The following COL9A3 variants were observed in gnomAD, a reference collection of about 807,000 sequenced individuals.
COL9A3 encodes the protein collagen alpha-3(IX) chain.
A neutral mutation model predicts 110.2 loss-of-function variants in COL9A3; 82 were observed. The ratio of observed to expected loss-of-function variants is 0.74; its 90% CI spans 0.62 to 0.89. The LOEUF is 0.89. COL9A3 is among the 40% of genes least tolerant of loss of function. The pLI is 0.00. For missense variants in COL9A3, 1,066 were observed against 981.3 expected (o/e 1.09, Z -1.15); for synonymous variants, 494 against 403.8 (o/e 1.22, Z -2.68).
chr20:62,819,142 A>T, intron 3 of COL9A3, 80 bp from the exon 4 acceptor site: 1 of 1,386,144 alleles, frequency 7.2e-7, no homozygotes, highest in Non-Finnish European at 1.0e-6. Flanking sequence ...GGGAAGTGGA[A>T]AGCATTTTGC....
intron 26 of COL9A3, among the ~76,000 whole-genome samples, chr20:62,834,364 T>C (rs2063619243): frequency 6.6e-6 from 1 of 152,228 alleles, no homozygotes; most frequent in African/African-American, 2.4e-5. Context: ...AAAACTCAGG[T>C]GAAGCATAAA....
At chr20:62,818,398 T>C in intron 2 of COL9A3, 120 bp from the exon 3 acceptor site, 4 of 984,364 alleles carry the variant, frequency 4.1e-6, no homozygotes, top group Non-Finnish European at 6.5e-6. Flanking sequence ...GGGCCCCTTT[T>C]GTCTGCTGGG....
intron 31 of COL9A3, among the ~76,000 whole-genome samples, chr20:62,839,966 C>T (rs2063662902): frequency 6.6e-6 from 1 of 152,306 alleles, no homozygotes. Context: ...GGGTCCCAGG[C>T]CCCAGCCACG....
In COL9A3 at chr20:62,817,626, C is replaced by T; in HGVS notation, c.138C>T (p.Asp46=). Residue 46 remains aspartate (D), a synonymous_variant, in exon 2 of 32, where the codon GAC becomes GAT. Coordinates refer to ENST00000649368, the MANE Select transcript of COL9A3 (RefSeq NM_001853.4). ...PPGPPGKPGQ[D]GIDGEAGPPG... ...GGCCGCCCGGGAAGCCCGGCCAGGACGGCATTGACGTGAGTTTGGGGGTGG... is the reference window on the plus strand; with the variant it reads ...GGCCGCCCGGGAAGCCCGGCCAGGATGGCATTGACGTGAGTTTGGGGGTGG... The T allele has an allele frequency of 6.5e-7, 1 of 1,540,608 alleles. No individual in the cohort carries two copies. Among genetic ancestry groups the T allele is most frequent in the East Asian group, 2.5e-5 (1 of 40,652 alleles).
chr20:62,822,402 C>G (rs2063519387), intron 9 of COL9A3, among the ~76,000 whole-genome samples, 189 bp from the exon 10 acceptor site: 1 of 152,102 alleles, frequency 6.6e-6, no homozygotes, highest in African/African-American at 2.4e-5. Flanking sequence ...TGGATTCTGT[C>G]GTTGTCACAT....
At chr20:62,820,560 C>T (rs1991086528) in intron 5 of COL9A3, among the ~76,000 whole-genome samples, 1 of 152,080 alleles carries the variant, frequency 6.6e-6, no homozygotes, top group African/African-American at 2.4e-5. Context: ...AGGACACAGC[C>T]CTGCCCTTGG....
At chr20:62,820,024 G>A (rs767884869) in intron 5 of COL9A3, 42 bp downstream of exon 5, 1 of 1,606,952 alleles carries the variant, frequency 6.2e-7, no homozygotes, top group Non-Finnish European at 8.5e-7. Flanking sequence ...GTTCAGAGGT[G>A]AGGTCCCCTG....
chr20:62,817,915 G>C, intron 2 of COL9A3: 1 of 558,088 alleles, frequency 1.8e-6, no homozygotes, highest in South Asian at 1.7e-5. Context: ...CCTGTGTTCG[G>C]GGTTCTGGCC....
intron 5 of COL9A3, among the ~76,000 whole-genome samples, chr20:62,820,921 C>T (rs2063507816): frequency 6.6e-6 from 1 of 152,288 alleles, no homozygotes; most frequent in African/African-American, 2.4e-5. Flanking sequence ...CGGGTCACTT[C>T]GGTGCCTCTC....
intron 24 of COL9A3, 89 bp from the exon 25 acceptor site, chr20:62,832,065 G>A: frequency 1.6e-6 from 2 of 1,229,328 alleles, no homozygotes; most frequent in Non-Finnish European, 2.4e-6. Flanking sequence ...GGAGATGTGG[G>A]GAGGTGTTTA....
upstream of COL9A3, among the ~76,000 whole-genome samples, chr20:62,816,778 TTCTC>T (rs1236905241): frequency 6.6e-6 from 1 of 152,130 alleles, no homozygotes; most frequent in African/African-American, 2.4e-5. Context: ...AAGAGCGTCT[TTCTC>T]TCTTGCTCAA....
chr20:62,822,651 T>C lies in COL9A3; in HGVS notation c.519+19T>C. On this transcript the variant is annotated intron_variant, in intron 10 of 31. Coordinates refer to ENST00000649368, the MANE Select transcript of COL9A3 (RefSeq NM_001853.4). Reference sequence around the variant, plus strand: ...CCTTCAGGTAGGCACTTGAAGCCATTTGTTAAGGGTGCTGGGGGGTGCCTA... The same window carrying C: ...CCTTCAGGTAGGCACTTGAAGCCATCTGTTAAGGGTGCTGGGGGGTGCCTA... 1.9e-6 allele frequency: 3 copies of C among 1,610,376 alleles called. No individual in the cohort carries two copies. Among genetic ancestry groups the C allele is most frequent in the Non-Finnish European group, 1.7e-6 (2 of 1,179,576 alleles).
At chr20:62,835,140 G>A (rs757633768) in intron 26 of COL9A3, among the ~76,000 whole-genome samples, 1 of 152,238 alleles carries the variant, frequency 6.6e-6, no homozygotes, top group Non-Finnish European at 1.5e-5. Context: ...CATGCTGTCT[G>A]GGCCCGGTCG....
In COL9A3 at chr20:62,835,965, G is replaced by A; in HGVS notation, c.1401+12G>A. 6.2e-7 allele frequency: 1 copy of A among 1,614,236 alleles called. No homozygotes were observed. The highest frequency in any genetic ancestry group is 8.5e-7 in the Non-Finnish European group (1 of 1,180,050). On this transcript the variant is annotated intron_variant, in intron 27 of 31. Coordinates refer to ENST00000649368, the MANE Select transcript of COL9A3 (RefSeq NM_001853.4). ...GACCCAAAGGAGAGGTGAGTGCCCGGCGACTGTTCCGATGACACCATCCAT... is the reference window on the plus strand; with the variant it reads ...GACCCAAAGGAGAGGTGAGTGCCCGACGACTGTTCCGATGACACCATCCAT...
chr20:62,819,213 C>G lies in COL9A3; in HGVS notation c.184-9C>G, dbSNP rs1991037421. ...CGCCTTCACATCTCTGCCCTTTCCT[C>G]CTGCACAGGGACCAAAGGGGGCCCC... On this transcript the variant is annotated splice_polypyrimidine_tract_variant and intron_variant, in intron 3 of 31. Coordinates refer to ENST00000649368, the MANE Select transcript of COL9A3 (RefSeq NM_001853.4). 3.1e-6 allele frequency: 5 copies of G among 1,612,546 alleles called. No individual in the cohort carries two copies. The highest frequency in any genetic ancestry group is 4.2e-6 in the Non-Finnish European group (5 of 1,179,836).
chr20:62,831,836 G>A, intron 24 of COL9A3: 1 of 449,162 alleles, frequency 2.2e-6, no homozygotes, highest in Non-Finnish European at 4.2e-6. Context: ...ATGAGCTTTT[G>A]CATCTTTGAC....
In COL9A3 at chr20:62,837,165, T is replaced by A. The variant is rs757976485; in HGVS notation, c.1686T>A (p.Pro562=). The A allele has an allele frequency of 1.9e-6, 3 of 1,612,928 alleles. No homozygotes were observed. Among genetic ancestry groups the A allele is most frequent in the Non-Finnish European group, 1.7e-6 (2 of 1,179,834 alleles). Residue 562 remains proline (P), a synonymous_variant, in exon 30 of 32, where the codon CCT becomes CCA. Transcript: ENST00000649368. ...SIGRPGPAGP[P]GPPGPPGSIG... ...GTCGGCCCGGTCCAGCTGGCCCCCCTGGGCCCCCAGGACCCCCAGGCTCCA... is the reference window on the plus strand; with the variant it reads ...GTCGGCCCGGTCCAGCTGGCCCCCCAGGGCCCCCAGGACCCCCAGGCTCCA...
In COL9A3 at chr20:62,821,174, C is replaced by T; in HGVS notation, c.310-7C>T. Reference sequence around the variant, plus strand: ...GCCCAACCTAGACGCCTGCTTTCCTCCCACAGGGAAGTCTGGGACCCCCGG... The same window carrying T: ...GCCCAACCTAGACGCCTGCTTTCCTTCCACAGGGAAGTCTGGGACCCCCGG... On this transcript the variant is annotated splice_polypyrimidine_tract_variant and splice_region_variant and intron_variant, in intron 5 of 31. Transcript: ENST00000649368. The T allele has an allele frequency of 6.2e-7, 1 of 1,612,978 alleles. No individual in the cohort carries two copies. Among genetic ancestry groups the T allele is most frequent in the South Asian group, 1.1e-5 (1 of 90,980 alleles).
intron 11 of COL9A3, among the ~76,000 whole-genome samples, 194 bp downstream of exon 11, chr20:62,824,695 G>A (rs1292072261): frequency 6.6e-6 from 1 of 152,218 alleles, no homozygotes; most frequent in Non-Finnish European, 1.5e-5. Flanking sequence ...GCCAGGCTGG[G>A]ACTGGCCATA....
Sources: allele counts gnomAD v4.1 joint callset (sites outside exome capture counted in the v4.1 genomes callset), GRCh38; gene constraint gnomAD v4.1.1; transcripts MANE v1.5; gene names NCBI Gene and HGNC (gene_info 2026-07-23, HGNC 2026-07-21).